The following ZNF584 variants were observed in gnomAD, a reference collection of about 807,000 sequenced individuals.
ZNF584 encodes zinc finger protein 584.
In ZNF584, 12 loss-of-function variants were observed where a neutral mutation model predicts 14.7. The observed-to-expected ratio is 0.82, with a 90% CI of 0.52 to 1.32. ZNF584 has a LOEUF of 1.32. ZNF584 is among the 40% of genes most tolerant of loss of function. The probability of loss-of-function intolerance (pLI) is 0.00; values close to 1 mark genes in which losing one functional copy is unlikely to be tolerated. For synonymous variants in ZNF584, 204 were observed against 190.9 expected (o/e 1.07, Z -0.57); for missense variants, 478 against 518.8 (o/e 0.92, Z 0.76).
At chr19:58,402,824 CAAAAAAAA>C (rs35168811) in intron 1 of ZNF584, among the ~76,000 whole-genome samples, 15 of 47,482 alleles carry the variant, frequency 3.2e-4, no homozygotes, top group Non-Finnish European at 4.0e-4. Context: ...AACTGCGTCT[CAAAAAAAA>C]AAAAAAAAAA....
intron 2 of ZNF584, among the ~76,000 whole-genome samples, chr19:58,412,270 C>T (rs893887557): frequency 5.7e-5 from 8 of 140,294 alleles, no homozygotes; most frequent in Non-Finnish European, 1.1e-4. Context: ...ACTGCAGTGG[C>T]GCAATCTCGA....
At chr19:58,403,391 C>T (rs548311645) in intron 1 of ZNF584, among the ~76,000 whole-genome samples, 2 of 151,918 alleles carry the variant, frequency 1.3e-5, no homozygotes, top group African/African-American at 4.8e-5. Context: ...CTGAAATGCA[C>T]ATTGGTAAGT....
rs1005634862 is a variant in ZNF584, at chr19:58,418,000, C to T, written c.*216C>T. On this transcript the variant is annotated 3_prime_UTR_variant, in exon 4 of 4. Coordinates refer to ENST00000306910, the MANE Select transcript of ZNF584 (RefSeq NM_173548.3). The stretch of plus-strand genomic sequence containing the variant: ...GTGTCACATCACTGAGTTTATCCAC[C>T]GCCATCCACCTCTATCCACCCCATA... 1.1e-4 allele frequency: 67 copies of T among 587,780 alleles called. No individual in the cohort carries two copies. Among genetic ancestry groups the T allele is most frequent in the East Asian group, 2.8e-4 (10 of 35,184 alleles). The allele number at this position is 587,780 out of a possible 1,614,324, so 36.4% of individuals were successfully genotyped here. A position where few individuals can be genotyped will look rare whatever the true frequency, so the allele number is the denominator to read the frequency against.
intron 2 of ZNF584, 72 bp downstream of exon 2, chr19:58,410,163 A>G: frequency 2.0e-6 from 3 of 1,508,170 alleles, no homozygotes; most frequent in Non-Finnish European, 1.8e-6. Flanking sequence ...TCTGTCCATA[A>G]CGAAGCCAGA....
At chr19:58,407,141 C>G (rs1415171606), upstream of ZNF584, 1 of 152,294 alleles carries the variant, frequency 6.6e-6, no homozygotes, top group Non-Finnish European at 1.5e-5. Flanking sequence ...AGGGGTAGAT[C>G]TCTTCAGGGT....
chr19:58,406,192 C>T (rs529790644), upstream of ZNF584: 1,212 of 158,056 alleles, frequency 7.7e-3, 23 homozygotes, highest in African/African-American at 0.028. Flanking sequence ...AAAAAAAATA[C>T]GAAAACCAGT....
intron 2 of ZNF584, 127 bp downstream of exon 2, chr19:58,410,218 T>C: frequency 1.6e-6 from 2 of 1,262,288 alleles, no homozygotes; most frequent in Non-Finnish European, 2.1e-6. Flanking sequence ...GTAGGTATTG[T>C]GGGTGGTGGG....
chr19:58,402,649 C>T (rs1170520535), intron 1 of ZNF584, among the ~76,000 whole-genome samples: 3 of 151,692 alleles, frequency 2.0e-5, no homozygotes, highest in Admixed American at 2.0e-4. Flanking sequence ...ATGGAGAAAC[C>T]CCATCTGTAC....
intron 2 of ZNF584, among the ~76,000 whole-genome samples, chr19:58,412,793 TG>T (rs35778647): frequency 6.6e-6 from 1 of 152,314 alleles, no homozygotes; most frequent in South Asian, 2.1e-4. Flanking sequence ...GTGTGTGTTT[TG>T]GGGGGAATGT....
upstream of ZNF584, chr19:58,405,531 T>C (rs7248357): frequency 0.51 from 73,585 of 143,592 alleles, 18,027 homozygotes; most frequent in African/African-American, 0.55. Flanking sequence ...CGGGCGGAGA[T>C]GCTCCTCACT....
At chr19:58,402,458 C>G (rs1458617284) in intron 1 of ZNF584, among the ~76,000 whole-genome samples, 1 of 152,208 alleles carries the variant, frequency 6.6e-6, no homozygotes, top group African/African-American at 2.4e-5. Flanking sequence ...CAGACATCTA[C>G]TTGTTCTTTC....
chr19:58,403,879 T>A (rs2052446335), upstream of ZNF584, among the ~76,000 whole-genome samples: 1 of 150,924 alleles, frequency 6.6e-6, no homozygotes, highest in East Asian at 1.9e-4. Flanking sequence ...TGAGACAGAA[T>A]TGCTTGAACC....
chr19:58,409,901 A>G (rs762508344), intron 1 of ZNF584, 40 bp from the exon 2 acceptor site: 5 of 1,613,764 alleles, frequency 3.1e-6, no homozygotes, highest in Non-Finnish European at 8.5e-7. Context: ...CCATCTGTCC[A>G]TATTTTGGTT....
chr19:58,410,557 A>G (rs796479739), intron 2 of ZNF584, among the ~76,000 whole-genome samples: 835 of 25,998 alleles, frequency 0.032, 247 homozygotes, highest in African/African-American at 0.17. Context: ...ATATATATAT[A>G]TGTGTATATA....
At chr19:58,410,939 G>A (rs576555678) in intron 2 of ZNF584, among the ~76,000 whole-genome samples, 35 of 149,532 alleles carry the variant, frequency 2.3e-4, no homozygotes, top group Middle Eastern at 3.4e-3. Context: ...CTACAGGCTC[G>A]CGCCACCATG....
intron 2 of ZNF584, among the ~76,000 whole-genome samples, chr19:58,412,533 G>A (rs1295454532): frequency 5.3e-5 from 8 of 152,002 alleles, no homozygotes; most frequent in East Asian, 3.8e-4. Flanking sequence ...TTGAACTCCC[G>A]ACCTCAGGTG....
upstream of ZNF584, chr19:58,404,409 C>A (rs1056230612): frequency 5.3e-5 from 8 of 152,276 alleles, no homozygotes; most frequent in African/African-American, 2.0e-4. Flanking sequence ...TCCCTGGGTA[C>A]TTGAGATTAG....
In ZNF584 at chr19:58,417,522, A is replaced by T. The variant is rs1453721472; in HGVS notation, c.1004A>T (p.Tyr335Phe). The T allele has an allele frequency of 1.2e-6, 2 of 1,614,220 alleles. No homozygotes were observed. The highest frequency in any genetic ancestry group is 1.1e-5 in the South Asian group (1 of 91,076). Reference sequence around the variant, plus strand: ...GAATGCAAGCAATGTGGGAAAGGCTACGTGACCCGTTCAGGCCTCTATCAG... The same window carrying T: ...GAATGCAAGCAATGTGGGAAAGGCTTCGTGACCCGTTCAGGCCTCTATCAG... Reference protein sequence around the residue: ...PFECKQCGKGYVTRSGLYQHW... With the variant: ...PFECKQCGKGFVTRSGLYQHW... Residue 335 changes from tyrosine (Y) to phenylalanine (F), a missense_variant, in exon 4 of 4, where the codon TAC becomes TTC. By Grantham distance (22) the Tyr-to-Phe change is conservative (BLOSUM62 3). This residue lies in a region of ZNF584 where 283 missense variants were observed against 317.3 expected (regional missense o/e 0.89). Transcript: ENST00000306910.
rs1568584359 is a variant in ZNF584 at position 58,410,544 on chromosome 19, T to TTTTTTTTTTTTTTTTTTTTTTGAGAC, written c.169+453_169+454insTTTTTTTTTTTTTTTTTTTTTGAGAC. 2.4e-4 allele frequency among the ~76,000 whole-genome samples: 15 copies of TTTTTTTTTTTTTTTTTTTTTTGAGAC among 61,730 alleles called. 2 individuals carry two copies. The highest frequency in any genetic ancestry group is 7.2e-4 in the African/African-American group (6 of 8,300). The allele number at this position is 61,730 out of a possible 152,430, so 40.5% of individuals were successfully genotyped here. ...ATATATATATATATATATATATATA[T>TTTTTTTTTTTTTTTTTTTTTTGAGAC]ATATATATATATATGTGTATATATA... On this transcript the variant is annotated intron_variant, in intron 2 of 3. Coordinates refer to ENST00000306910, the MANE Select transcript of ZNF584 (RefSeq NM_173548.3).
Sources: gnomAD v4.1 joint callset for allele counts (sites outside exome capture counted in the v4.1 genomes callset) on GRCh38, gnomAD v4.1.1 for gene constraint, gnomAD v4.1.1 regional missense constraint, MANE v1.5 for transcripts, NCBI Gene and HGNC (gene_info 2026-07-23, HGNC 2026-07-21) for gene names.